The following MS4A15 variants were observed in gnomAD, a reference collection of about 807,000 sequenced individuals.
MS4A15 encodes the protein membrane-spanning 4-domains subfamily A member 15.
A neutral mutation model predicts 20.6 loss-of-function variants in MS4A15; 22 were observed. That is an observed-to-expected ratio of 1.07 (90% CI 0.76 to 1.52). The LOEUF is 1.52. MS4A15 is among the 40% of genes most tolerant of loss of function. The pLI is 0.00. For synonymous variants in MS4A15, 129 were observed against 129.3 expected (o/e 1.00, Z 0.02); for missense variants, 312 against 323.0 (o/e 0.97, Z 0.26).
chr11:60,767,851 C>A (rs1853923458), intron 3 of MS4A15, among the ~76,000 whole-genome samples, 196 bp downstream of exon 3: 1 of 152,286 alleles, frequency 6.6e-6, no homozygotes, highest in South Asian at 2.1e-4. Context: ...CCTGACCCCA[C>A]CCCTGAGGAT....
At position 60,771,234 on chromosome 11, in the gene MS4A15, G is replaced by T; in HGVS notation, c.349-57G>T. 5 of 1,601,230 alleles carry T rather than the reference G, an allele frequency of 3.1e-6. 1 individual carries two copies. In the South Asian group the frequency reaches 3.3e-5, roughly 11 times the overall value. On this transcript the variant is annotated intron_variant, in intron 3 of 6. Coordinates refer to ENST00000405633, the MANE Select transcript of MS4A15 (RefSeq NM_001098835.2). ...CACCTCTTGACAGATCCCAAGCAGG[G>T]TCTGCCCTGCCCAGGGTCCTGGCTG...
At position 60,775,673 on chromosome 11, in the gene MS4A15, C is replaced by T; in HGVS notation, c.681C>T (p.Pro227=). Residue 227 remains proline (P), a synonymous_variant, in exon 7 of 7, where the codon CCC becomes CCT. Transcript: ENST00000405633. ...FNIPSPAASA[P]PAYDNVAYAQ... Reference sequence around the variant, plus strand: ...TCCCCAGCCCGGCAGCCTCTGCGCCCCCTGCCTATGACAATGTGGCATATG... The same window carrying T: ...TCCCCAGCCCGGCAGCCTCTGCGCCTCCTGCCTATGACAATGTGGCATATG... The T allele has an allele frequency of 6.2e-7, 1 of 1,613,990 alleles. No homozygotes were observed. The highest frequency in any genetic ancestry group is 1.3e-5 in the African/African-American group (1 of 75,052).
chr11:60,760,897 C>A (rs144824840), intron 1 of MS4A15, among the ~76,000 whole-genome samples: 2 of 152,336 alleles, frequency 1.3e-5, no homozygotes, highest in Non-Finnish European at 2.9e-5. Flanking sequence ...AGGCAACTAT[C>A]CGGCTTGCAG....
At position 60,767,437 on chromosome 11, in the gene MS4A15, G is replaced by C. The variant is rs1157090374; in HGVS notation, c.226-96G>C. ...GAGTTTCTTTCCCAGTGGCCAACAAGCGGGAGGAGGGCGGGGCCAGCCACG... is the reference window on the plus strand; with the variant it reads ...GAGTTTCTTTCCCAGTGGCCAACAACCGGGAGGAGGGCGGGGCCAGCCACG... On this transcript the variant is annotated intron_variant, in intron 2 of 6. Coordinates refer to ENST00000405633, the MANE Select transcript of MS4A15 (RefSeq NM_001098835.2). The C allele has an allele frequency of 4.4e-6, 6 of 1,354,250 alleles. No homozygotes were observed. In the East Asian group the frequency reaches 1.5e-4, roughly 33 times the overall value. 83.9% of individuals were successfully genotyped at this position (1,354,250 alleles called of 1,614,324 possible). A position where few individuals can be genotyped will look rare whatever the true frequency, so the allele number is the denominator to read the frequency against.
chr11:60,773,289 G>A (rs941713732), intron 4 of MS4A15, 103 bp from the exon 5 acceptor site: 1 of 861,390 alleles, frequency 1.2e-6, no homozygotes, highest in African/African-American at 1.7e-5. Flanking sequence ...CTCCTTGGCT[G>A]TGGGAGGCAG....
intron 3 of MS4A15, among the ~76,000 whole-genome samples, chr11:60,770,322 G>T (rs757209653): frequency 6.6e-6 from 1 of 152,106 alleles, no homozygotes; most frequent in Non-Finnish European, 1.5e-5. Context: ...AGTTCCGGCC[G>T]GGCACGGTGG....
intron 4 of MS4A15, 76 bp downstream of exon 4, chr11:60,771,423 C>A: frequency 1.3e-6 from 2 of 1,595,288 alleles, no homozygotes; most frequent in East Asian, 4.5e-5. Flanking sequence ...CCCTCCCATC[C>A]ACTCACTCCT....
intron 1 of MS4A15, among the ~76,000 whole-genome samples, chr11:60,758,254 A>C (rs1232827391): frequency 2.3e-5 from 3 of 131,440 alleles, no homozygotes; most frequent in Non-Finnish European, 4.9e-5. Context: ...TAGCAATACA[A>C]ACATAAAAAA....
At chr11:60,774,936 G>A (rs1293471754) in intron 6 of MS4A15, among the ~76,000 whole-genome samples, 2 of 152,186 alleles carry the variant, frequency 1.3e-5, no homozygotes, top group East Asian at 1.9e-4. Flanking sequence ...AGCGGGGCTC[G>A]AGGCCAGGAA....
At chr11:60,760,225 T>C (rs919038722) in intron 1 of MS4A15, among the ~76,000 whole-genome samples, 1 of 152,236 alleles carries the variant, frequency 6.6e-6, no homozygotes, top group African/African-American at 2.4e-5. Flanking sequence ...TTGCAGACTC[T>C]CCTGCTTTTT....
Position 60,776,028 on chromosome 11 carries a change from C to A in MS4A15, c.*313C>A. 4.5e-6 allele frequency: 1 copy of A among 221,406 alleles called. No homozygotes were observed. Among genetic ancestry groups the A allele is most frequent in the South Asian group, 1.3e-4 (1 of 7,496 alleles). The allele number at this position is 221,406 out of a possible 1,614,324, so 13.7% of individuals were successfully genotyped here. A position where few individuals can be genotyped will look rare whatever the true frequency, so the allele number is the denominator to read the frequency against. On this transcript the variant is annotated 3_prime_UTR_variant, in exon 7 of 7. Coordinates refer to ENST00000405633, the MANE Select transcript of MS4A15 (RefSeq NM_001098835.2). ...TCTCTGCTCATTGGGGAAATCCTGGCCTCATTGGAGACTCAGGTTCGAGGC... is the reference window on the plus strand; with the variant it reads ...TCTCTGCTCATTGGGGAAATCCTGGACTCATTGGAGACTCAGGTTCGAGGC...
At chr11:60,769,920 C>T (rs1003943426) in intron 3 of MS4A15, among the ~76,000 whole-genome samples, 1 of 152,162 alleles carries the variant, frequency 6.6e-6, no homozygotes, top group Admixed American at 6.5e-5. Flanking sequence ...CGTGTCACCC[C>T]AGGGCCTCCT....
chr11:60,776,053 C>A lies in MS4A15; in HGVS notation c.*338C>A, dbSNP rs183685462. ...CCTCATTGGAGACTCAGGTTCGAGG[C>A]CTGCCCTGACCCTCGGGCCTCGGGA... On this transcript the variant is annotated 3_prime_UTR_variant, in exon 7 of 7. Coordinates refer to ENST00000405633, the MANE Select transcript of MS4A15 (RefSeq NM_001098835.2). The A allele has an allele frequency of 3.2e-5, 6 of 186,368 alleles. No homozygotes were observed. Among genetic ancestry groups the A allele is most frequent in the African/African-American group, 7.0e-5 (3 of 43,132 alleles). The allele number at this position is 186,368 out of a possible 1,614,324, so 11.5% of individuals were successfully genotyped here.
At chr11:60,767,725 C>T in intron 3 of MS4A15, 70 bp downstream of exon 3, 2 of 1,441,634 alleles carry the variant, frequency 1.4e-6, no homozygotes, top group South Asian at 2.9e-5. Flanking sequence ...CCCACGCGCC[C>T]ACCCCCACCA....
chr11:60,758,495 T>C (rs1036022831), intron 1 of MS4A15, among the ~76,000 whole-genome samples: 5 of 152,216 alleles, frequency 3.3e-5, no homozygotes, highest in African/African-American at 1.2e-4. Flanking sequence ...AGTGTGTTTA[T>C]TAAAGCATGC....
At chr11:60,757,789 G>A (rs908704961) in intron 1 of MS4A15, among the ~76,000 whole-genome samples, 1 of 152,140 alleles carries the variant, frequency 6.6e-6, no homozygotes, top group African/African-American at 2.4e-5. Flanking sequence ...TGTCCTCAAC[G>A]CCAACTCCTC....
intron 4 of MS4A15, among the ~76,000 whole-genome samples, chr11:60,772,248 G>A (rs554928430): frequency 1.5e-3 from 225 of 152,274 alleles, no homozygotes; most frequent in African/African-American, 5.3e-3. Flanking sequence ...GGGAGAGGCC[G>A]GGGAGGTGAC....
Position 60,767,519 on chromosome 11 carries a change from G to C in MS4A15, c.226-14G>C, listed in dbSNP as rs111249236. The C allele has an allele frequency of 3.0e-3, 4,586 of 1,510,106 alleles. 117 individuals carry two copies. In the African/African-American group the frequency reaches 0.053, roughly 18 times the overall value. The allele number at this position is 1,510,106 out of a possible 1,614,324, so 93.5% of individuals were successfully genotyped here. A position where few individuals can be genotyped will look rare whatever the true frequency, so the allele number is the denominator to read the frequency against. ...AACAGGGCCCGCGGCACTGAGCCTC[G>C]GGGCTTCCCGCAGACGGTGCAGATC... On this transcript the variant is annotated splice_polypyrimidine_tract_variant and intron_variant, in intron 2 of 6. Coordinates refer to ENST00000405633, the MANE Select transcript of MS4A15 (RefSeq NM_001098835.2).
rs1854076561 is a variant in MS4A15 at position 60,772,820 on chromosome 11, G to A, written c.406-572G>A. Among the ~76,000 whole-genome samples, 2 of 152,156 alleles carry A rather than the reference G, an allele frequency of 1.3e-5. 1 individual carries two copies. The highest frequency in any genetic ancestry group is 2.9e-5 in the Non-Finnish European group (2 of 68,032). ...CCCTGCACGCTCTTTAGACCCTGGAGTCCTAGGCCTCTCAGCCCACCCAGA... is the reference window on the plus strand; with the variant it reads ...CCCTGCACGCTCTTTAGACCCTGGAATCCTAGGCCTCTCAGCCCACCCAGA... On this transcript the variant is annotated intron_variant, in intron 4 of 6. Transcript: ENST00000405633.
Sources: allele counts gnomAD v4.1 joint callset (sites outside exome capture counted in the v4.1 genomes callset), GRCh38; gene constraint gnomAD v4.1.1; transcripts MANE v1.5; gene names NCBI Gene and HGNC (gene_info 2026-07-23, HGNC 2026-07-21).